GRIA3: variants seen among roughly 807,000 people sequenced by gnomAD.
GRIA3 encodes the protein glutamate receptor 3.
In GRIA3, 3 loss-of-function variants were observed where a neutral mutation model predicts 63.0. That is an observed-to-expected ratio of 0.05 (90% CI 0.02 to 0.12). The LOEUF is 0.12. Ranked by LOEUF, GRIA3 falls within the 10% of genes least tolerant of loss-of-function variation. The probability of loss-of-function intolerance (pLI) is 1.00; values close to 1 mark genes in which losing one functional copy is unlikely to be tolerated. For synonymous variants in GRIA3, 274 were observed against 257.9 expected, an observed-to-expected ratio of 1.06 and a Z score of -0.60; for missense variants, 347 against 700.9, an observed-to-expected ratio of 0.50 and a Z score of 5.70.
intron 2 of GRIA3, chrX:123,202,789 G>A: frequency 8.6e-7 from 1 of 1,159,833 alleles, no homozygotes; most frequent in South Asian, 1.9e-5. Flanking sequence ...TGGGGTAAGT[G>A]CCCATAGTTT....
rs1275667266 is a variant in GRIA3 at position 123,463,624 on chromosome X, GAAA to G, written c.2077-1240_2077-1238del. On this transcript the variant is annotated intron_variant, in intron 12 of 15. Transcript: ENST00000620443. The stretch of plus-strand genomic sequence containing the variant: ...GGAGGGAGGGAGGGAAAGAAAGAAA[GAAA>G]GAAAGAAAGAAAGAAAGAAAGAAAG... Among the ~76,000 whole-genome samples the G allele has an allele frequency of 4.5e-4, 12 of 26,582 alleles. 2 individuals carry two copies. Among genetic ancestry groups the G allele is most frequent in the African/African-American group, 2.9e-3 (12 of 4,137 alleles). 23.1% of individuals were successfully genotyped at this position (26,582 alleles called of 115,157 possible). A position where few individuals can be genotyped will look rare whatever the true frequency, so the allele number is the denominator to read the frequency against.
At chrX:123,274,021 T>C (rs768673981) in intron 3 of GRIA3, among the ~76,000 whole-genome samples, 1 of 112,182 alleles carries the variant, frequency 8.9e-6, no homozygotes, top group South Asian at 3.7e-4. Flanking sequence ...GCAATATCAT[T>C]GGGCAAATGG....
intron 2 of GRIA3, among the ~76,000 whole-genome samples, chrX:123,230,813 AACTTAGAGCT>A (rs1478479170): frequency 1.8e-5 from 2 of 111,672 alleles, no homozygotes; most frequent in Non-Finnish European, 3.8e-5. Context: ...GCCCTAACAA[AACTTAGAGCT>A]ACTTATTTGG....
At chrX:123,231,291 C>A (rs1321334034) in intron 2 of GRIA3, among the ~76,000 whole-genome samples, 1 of 111,548 alleles carries the variant, frequency 9.0e-6, no homozygotes, top group Non-Finnish European at 1.9e-5. Context: ...CCTTAGAGAT[C>A]ATTGGATTCT....
At chrX:123,337,611 C>A (rs1363626591) in intron 4 of GRIA3, among the ~76,000 whole-genome samples, 2 of 111,656 alleles carry the variant, frequency 1.8e-5, no homozygotes, top group Admixed American at 9.5e-5. Flanking sequence ...AAGAGAAAAA[C>A]CAAAATAGAG....
At chrX:123,433,739 C>T (rs1442942425) in intron 12 of GRIA3, among the ~76,000 whole-genome samples, 2 of 111,608 alleles carry the variant, frequency 1.8e-5, no homozygotes, top group Non-Finnish European at 3.8e-5. Context: ...CTCCAGTGCC[C>T]TAGGCAAGGC....
intron 2 of GRIA3, among the ~76,000 whole-genome samples, chrX:123,250,916 G>A (rs1046959540): frequency 8.9e-6 from 1 of 111,976 alleles, no homozygotes; most frequent in Non-Finnish European, 1.9e-5. Context: ...CTCTTGTGGA[G>A]CAATGATTAC....
intron 2 of GRIA3, among the ~76,000 whole-genome samples, chrX:123,218,023 T>C (rs1192066425): frequency 8.9e-6 from 1 of 112,866 alleles, no homozygotes; most frequent in Non-Finnish European, 1.9e-5. Context: ...TTAAGAAAAC[T>C]GTAGAGGAAG....
chrX:123,378,662 C>T (rs2045302569), intron 5 of GRIA3, among the ~76,000 whole-genome samples: 1 of 110,985 alleles, frequency 9.0e-6, no homozygotes, highest in Admixed American at 9.6e-5. Flanking sequence ...CTGCCCACCT[C>T]CGCCTCCCAA....
intron 4 of GRIA3, among the ~76,000 whole-genome samples, chrX:123,344,290 C>T (rs2045029345): frequency 8.9e-6 from 1 of 112,511 alleles, no homozygotes; most frequent in East Asian, 2.8e-4. Context: ...CCCCTCAGCA[C>T]TAACCTTTCC....
rs768420228 is a variant in GRIA3 at position 123,197,323 on chromosome X, G to A, written c.268+11333G>A. On this transcript the variant is annotated intron_variant, in intron 2 of 15. Coordinates refer to ENST00000620443, the MANE Select transcript of GRIA3 (RefSeq NM_007325.5). ...GGAGATCACCTGAGGTCAGGAGTTC[G>A]AGATCAGCCTGGCCAACATGGTGAA... Among the ~76,000 whole-genome samples, 9 of 111,792 alleles carry A rather than the reference G, an allele frequency of 8.1e-5. No homozygotes were observed. In the East Asian group the frequency reaches 8.4e-4, roughly 10 times the overall value.
chrX:123,485,506 C>G (rs1281699477), intron 15 of GRIA3, among the ~76,000 whole-genome samples: 1 of 111,472 alleles, frequency 9.0e-6, no homozygotes, highest in Non-Finnish European at 1.9e-5. Flanking sequence ...CCTGATGTCC[C>G]CCAGGAAACT....
chrX:123,383,366 C>G (rs2045335438), intron 5 of GRIA3, among the ~76,000 whole-genome samples: 1 of 111,305 alleles, frequency 9.0e-6, no homozygotes, highest in Non-Finnish European at 1.9e-5. Context: ...TGCTATTGAA[C>G]AAGAGAACTT....
chrX:123,358,309 G>C (rs979898685), intron 5 of GRIA3: 3 of 112,088 alleles, frequency 2.7e-5, no homozygotes, highest in African/African-American at 9.7e-5. Context: ...GAATATTTAA[G>C]CTACTTAACT....
chrX:123,366,602 T>A (rs1163080807), intron 5 of GRIA3, among the ~76,000 whole-genome samples: 4 of 111,942 alleles, frequency 3.6e-5, no homozygotes, highest in Non-Finnish European at 5.6e-5. Flanking sequence ...ACGTAGAGTG[T>A]AACAGCAATA....
intron 12 of GRIA3, among the ~76,000 whole-genome samples, chrX:123,440,427 T>C (rs2045667676): frequency 1.8e-5 from 2 of 112,476 alleles, no homozygotes; most frequent in Non-Finnish European, 3.8e-5. Flanking sequence ...TGTATAAGTG[T>C]TCCCGTTTCT....
chrX:123,328,962 A>G (rs139806546), intron 4 of GRIA3, among the ~76,000 whole-genome samples: 1,604 of 112,235 alleles, frequency 0.014, 10 homozygotes, highest in Non-Finnish European at 0.022. Flanking sequence ...AAAGACATCA[A>G]ATGCTAAAAT....
At chrX:123,282,510 G>A (rs1186340005) in intron 3 of GRIA3, among the ~76,000 whole-genome samples, 1 of 112,670 alleles carries the variant, frequency 8.9e-6, no homozygotes, top group Non-Finnish European at 1.9e-5. Context: ...TCCAGAAGGA[G>A]GCAGAAGAGA....
rs976525195 is a variant in GRIA3, at chrX:123,490,462, C to T, written c.*1752C>T. 2 of 112,193 alleles carry T rather than the reference C, an allele frequency of 1.8e-5. No individual in the cohort carries two copies. Among genetic ancestry groups the T allele is most frequent in the African/African-American group, 6.5e-5 (2 of 30,728 alleles). The allele number at this position is 112,193 out of a possible 1,213,427, so 9.2% of individuals were successfully genotyped here. A position where few individuals can be genotyped will look rare whatever the true frequency, so the allele number is the denominator to read the frequency against. Reference sequence around the variant, plus strand: ...TTATGAATGCTATAATGTCCCAGCGCGGGAAGCTCACGCTGTGTGAACATG... The same window carrying T: ...TTATGAATGCTATAATGTCCCAGCGTGGGAAGCTCACGCTGTGTGAACATG... On this transcript the variant is annotated 3_prime_UTR_variant, in exon 16 of 16. Coordinates refer to ENST00000620443, the MANE Select transcript of GRIA3 (RefSeq NM_007325.5).
Sources: allele counts gnomAD v4.1 joint callset (sites outside exome capture counted in the v4.1 genomes callset), GRCh38; gene constraint gnomAD v4.1.1; transcripts MANE v1.5; gene names NCBI Gene and HGNC (gene_info 2026-07-23, HGNC 2026-07-21).